The following PDE7A variants were observed in gnomAD, a reference collection of about 807,000 sequenced individuals.
PDE7A encodes the protein phosphodiesterase 7A.
Under a neutral mutation model 64.3 loss-of-function variants are expected in PDE7A, and 39 were observed. The ratio of observed to expected loss-of-function variants is 0.61; its 90% confidence interval spans 0.47 to 0.79. The LOEUF (loss-of-function observed/expected upper bound fraction) is 0.79. Among genes scored for constraint, PDE7A ranks in the 30% least tolerant of loss-of-function variants. The pLI is 0.00. For missense variants in PDE7A, 470 were observed against 582.8 expected (o/e 0.81, Z 1.99); for synonymous variants, 203 against 206.8 (o/e 0.98, Z 0.16).
chr8:65,835,654 A>C (rs1810934295), intron 1 of PDE7A, among the ~76,000 whole-genome samples: 1 of 152,220 alleles, frequency 6.6e-6, no homozygotes, highest in Admixed American at 6.5e-5. Flanking sequence ...AAAGAGAATG[A>C]AGGGCACCTC....
intron 5 of PDE7A, 117 bp from the exon 6 acceptor site, chr8:65,739,714 T>C (rs1365620084): frequency 2.7e-6 from 3 of 1,110,036 alleles, no homozygotes; most frequent in Non-Finnish European, 3.5e-6. Context: ...TTCCCACTTT[T>C]TGTCTATCAA....
At chr8:65,825,103 CA>C (rs985564828) in intron 1 of PDE7A, among the ~76,000 whole-genome samples, 3 of 151,930 alleles carry the variant, frequency 2.0e-5, no homozygotes, top group African/African-American at 7.3e-5. Flanking sequence ...GCACAAAAAT[CA>C]TCACAATATT....
In PDE7A at chr8:65,813,266, G is replaced by A. The variant is rs1423043804; in HGVS notation, c.138+28105C>T. 2.0e-5 allele frequency among the ~76,000 whole-genome samples: 3 copies of A among 152,126 alleles called. No individual in the cohort carries two copies. The East Asian group carries it at 5.8e-4, about 29-fold the overall frequency. ...GTCACAGATATATTAGCATAGGAAT[G>A]TAAATATATATGCACAGAATATTTA... On this transcript the variant is annotated intron_variant, in intron 1 of 12. Transcript: ENST00000401827.
At chr8:65,750,933 C>T (rs181411349) in intron 3 of PDE7A, among the ~76,000 whole-genome samples, 1 of 152,280 alleles carries the variant, frequency 6.6e-6, no homozygotes, top group South Asian at 2.1e-4. Flanking sequence ...GATCACTCAT[C>T]ATGGAAGCCC....
chr8:65,747,709 A>G lies in PDE7A; in HGVS notation c.378T>C (p.Gly126=). 6.2e-7 allele frequency: 1 copy of G among 1,611,982 alleles called. No homozygotes were observed. Among genetic ancestry groups the G allele is most frequent in the Non-Finnish European group, 8.5e-7 (1 of 1,178,228 alleles). Residue 126 remains glycine, a synonymous_variant, in exon 4 of 13, where the codon GGT becomes GGC. Transcript: ENST00000401827. ...TGTTTAGGGAATTTGAAACCGCAGT[A>G]CCACGAAAAAAGCGTGAAGATCTAA... ...RYLRSSRFFR[G]TAVSNSLNIL...
intron 3 of PDE7A, among the ~76,000 whole-genome samples, chr8:65,765,228 G>A (rs530267988): frequency 7.2e-5 from 11 of 152,144 alleles, no homozygotes; most frequent in African/African-American, 1.4e-4. Context: ...GGTGGCTCAC[G>A]CCTGTAATCC....
chr8:65,716,046 C>T lies in PDE7A; in HGVS notation c.*3244G>A, dbSNP rs1585812856. Among the ~76,000 whole-genome samples, 1 of 131,576 alleles carries T rather than the reference C, an allele frequency of 7.6e-6. No individual in the cohort carries two copies. Among genetic ancestry groups the T allele is most frequent in the South Asian group, 2.7e-4 (1 of 3,742 alleles). 86.3% of individuals were successfully genotyped at this position (131,576 alleles called of 152,430 possible). A position where few individuals can be genotyped will look rare whatever the true frequency, so the allele number is the denominator to read the frequency against. On this transcript the variant is annotated 3_prime_UTR_variant, in exon 13 of 13. Transcript: ENST00000401827. ...AAAAATTAGCTGGGTGGTGTGGTGG[C>T]ACTCAGGAGGCTGAGGTGGGAGGAT...
intron 5 of PDE7A, among the ~76,000 whole-genome samples, chr8:65,742,341 G>A (rs142376739): frequency 6.6e-5 from 10 of 152,250 alleles, no homozygotes; most frequent in African/African-American, 2.4e-4. Context: ...GTGGCTTTAG[G>A]AGTGACAAGC....
At chr8:65,761,406 ATTAT>A (rs912904367) in intron 3 of PDE7A, among the ~76,000 whole-genome samples, 1 of 152,168 alleles carries the variant, frequency 6.6e-6, no homozygotes. Flanking sequence ...CATGAGACAA[ATTAT>A]TTATTTCACA....
chr8:65,815,436 G>A (rs1346996360), intron 1 of PDE7A, among the ~76,000 whole-genome samples: 1 of 152,024 alleles, frequency 6.6e-6, no homozygotes, highest in Non-Finnish European at 1.5e-5. Context: ...TTACCAAGTT[G>A]TGAAACAAAA....
At chr8:65,788,835 G>A (rs1563508334) in intron 1 of PDE7A, 4 of 1,293,582 alleles carry the variant, frequency 3.1e-6, no homozygotes, top group East Asian at 2.3e-5. Flanking sequence ...TATCAAATAT[G>A]TAAACTAATG....
At chr8:65,825,660 A>G (rs561762804) in intron 1 of PDE7A, among the ~76,000 whole-genome samples, 1 of 152,352 alleles carries the variant, frequency 6.6e-6, no homozygotes, top group East Asian at 1.9e-4. Flanking sequence ...GGTGGGAAGA[A>G]TACAATTTGG....
At chr8:65,795,003 C>A (rs1274160369) in intron 1 of PDE7A, among the ~76,000 whole-genome samples, 1 of 152,144 alleles carries the variant, frequency 6.6e-6, no homozygotes, top group Non-Finnish European at 1.5e-5. Flanking sequence ...AAAAGAGCCC[C>A]AGGCAGAAAG....
chr8:65,788,813 C>A, intron 1 of PDE7A: 1 of 1,002,942 alleles, frequency 1.0e-6, no homozygotes, highest in South Asian at 1.6e-5. Context: ...GAAAATCGAG[C>A]TATTTAATTC....
At chr8:65,806,291 A>G (rs1810106999) in intron 1 of PDE7A, among the ~76,000 whole-genome samples, 1 of 152,246 alleles carries the variant, frequency 6.6e-6, no homozygotes, top group Admixed American at 6.5e-5. Context: ...GTAGTAAAAA[A>G]AAAAGTACAT....
Position 65,719,416 on chromosome 8 carries a change from A to G in PDE7A, c.1323T>C (p.Leu441=), listed in dbSNP as rs1159650920. 3.1e-6 allele frequency: 5 copies of G among 1,613,950 alleles called. No homozygotes were observed. Among genetic ancestry groups the G allele is most frequent in the Non-Finnish European group, 4.2e-6 (5 of 1,179,922 alleles). The change falls in exon 13 of 13, where the codon CTT becomes CTC. Residue 441 remains leucine (L), a synonymous_variant. Transcript: ENST00000401827. ...FSNTRLSQTM[L]GHVGLNKASW... ...TGGCTTTATTCAGCCCCACGTGTCC[A>G]AGCATTGTCTGGGATAGCCTTGTAT... is the stretch of plus-strand genomic sequence containing the variant.
At chr8:65,787,970 A>AT (rs1290305868) in intron 1 of PDE7A, among the ~76,000 whole-genome samples, 1 of 152,192 alleles carries the variant, frequency 6.6e-6, no homozygotes, top group Non-Finnish European at 1.5e-5. Flanking sequence ...TAAATACATT[A>AT]TTTTTCTTTA....
intron 1 of PDE7A, among the ~76,000 whole-genome samples, chr8:65,840,297 T>C (rs1161832613): frequency 6.6e-6 from 1 of 152,188 alleles, no homozygotes; most frequent in East Asian, 1.9e-4. Context: ...ATATAGGCTC[T>C]TGCTCCTTCT....
At chr8:65,746,173 A>T (rs1807668468) in intron 4 of PDE7A, among the ~76,000 whole-genome samples, 1 of 150,646 alleles carries the variant, frequency 6.6e-6, no homozygotes, top group Non-Finnish European at 1.5e-5. Flanking sequence ...GACTCAAGTG[A>T]TTCTCCCACC....
Sources: allele counts gnomAD v4.1 joint callset (sites outside exome capture counted in the v4.1 genomes callset), GRCh38; gene constraint gnomAD v4.1.1; transcripts MANE v1.5; gene names NCBI Gene and HGNC (gene_info 2026-07-23, HGNC 2026-07-21).